Variants in MACROD2 observed in about 807,000 individuals in gnomAD.
MACROD2 encodes ADP-ribose glycohydrolase MACROD2.
Under a neutral mutation model 70.4 loss-of-function variants are expected in MACROD2, and 36 were observed. The ratio of observed to expected loss-of-function variants is 0.51; its 90% CI spans 0.39 to 0.68. The LOEUF (loss-of-function observed/expected upper bound fraction) is 0.68. Ranked by LOEUF, MACROD2 falls within the 30% of genes least tolerant of loss-of-function variation. The probability of loss-of-function intolerance (pLI) is 0.00; values close to 1 mark genes in which losing one functional copy is unlikely to be tolerated. For synonymous variants in MACROD2, 172 were observed against 178.8 expected (o/e 0.96, Z 0.30); for missense variants, 496 against 538.4 (o/e 0.92, Z 0.78).
chr20:15,617,943 C>A (rs1324576237), intron 8 of MACROD2, among the ~76,000 whole-genome samples: 12 of 152,132 alleles, frequency 7.9e-5, no homozygotes, highest in Non-Finnish European at 1.0e-4. Context: ...GGAAAACAAG[C>A]ATGGAACATA....
At chr20:14,975,970 G>C (rs2074735832) in intron 5 of MACROD2, among the ~76,000 whole-genome samples, 1 of 152,166 alleles carries the variant, frequency 6.6e-6, no homozygotes, top group Non-Finnish European at 1.5e-5. Flanking sequence ...ACAGGCTCAG[G>C]AAGGTAGGCG....
At position 14,861,532 on chromosome 20, in the gene MACROD2, A is replaced by G. The variant is rs192925126; in HGVS notation, c.418+176573A>G. Among the ~76,000 whole-genome samples, 215 of 152,140 alleles carry G rather than the reference A, an allele frequency of 1.4e-3. 2 individuals carry two copies. The highest frequency in any genetic ancestry group is 4.8e-3 in the African/African-American group (199 of 41,532). ...CTCTGATATCCTGCTGATGCCTCCA[A>G]TTAGAAGCCAGACTATGAGGGAGCT... On this transcript the variant is annotated intron_variant, in intron 5 of 17. Transcript: ENST00000684519.
intron 5 of MACROD2, among the ~76,000 whole-genome samples, chr20:14,853,497 A>G (rs1404952984): frequency 7.9e-6 from 1 of 127,298 alleles, no homozygotes; most frequent in Non-Finnish European, 1.8e-5. Flanking sequence ...AAAGCTGTAT[A>G]AAGTCAAAGT....
chr20:14,894,471 C>A (rs1299274436), intron 5 of MACROD2: 2 of 152,112 alleles, frequency 1.3e-5, no homozygotes, highest in African/African-American at 4.8e-5. Context: ...GATCCACCCG[C>A]CTCAGCCTCC....
At chr20:15,700,928 A>T (rs1239980672) in intron 8 of MACROD2, among the ~76,000 whole-genome samples, 1 of 152,198 alleles carries the variant, frequency 6.6e-6, no homozygotes, top group Admixed American at 6.5e-5. Context: ...GCCTACACAA[A>T]TGTTTCTCAA....
At chr20:15,570,891 A>G (rs2048368311) in intron 8 of MACROD2, among the ~76,000 whole-genome samples, 2 of 152,136 alleles carry the variant, frequency 1.3e-5, no homozygotes, top group South Asian at 4.1e-4. Context: ...CAAAAAAAAG[A>G]AAAGAAAAGG....
chr20:15,607,781 G>A (rs1364535112), intron 8 of MACROD2, among the ~76,000 whole-genome samples: 1 of 152,070 alleles, frequency 6.6e-6, no homozygotes, highest in African/African-American at 2.4e-5. Context: ...TGATCTACCC[G>A]CCTCGGCCTC....
At chr20:15,030,156 G>A (rs903374425) in intron 5 of MACROD2, among the ~76,000 whole-genome samples, 1 of 151,556 alleles carries the variant, frequency 6.6e-6, no homozygotes, top group Non-Finnish European at 1.5e-5. Context: ...ATTTCTGACT[G>A]ACCACATCTG....
intron 6 of MACROD2, among the ~76,000 whole-genome samples, chr20:15,370,154 G>C (rs1427485523): frequency 1.3e-5 from 2 of 152,008 alleles, no homozygotes; most frequent in African/African-American, 4.8e-5. Context: ...TGGAATACTT[G>C]GTATAAATTG....
At chr20:14,761,860 T>C (rs1173985801) in intron 5 of MACROD2, among the ~76,000 whole-genome samples, 1 of 152,170 alleles carries the variant, frequency 6.6e-6, no homozygotes, top group East Asian at 1.9e-4. Context: ...GCCTATTGCA[T>C]ATTGGAAAGA....
At chr20:15,388,723 G>T (rs538407381) in intron 6 of MACROD2, among the ~76,000 whole-genome samples, 18 of 152,260 alleles carry the variant, frequency 1.2e-4, no homozygotes, top group Middle Eastern at 6.8e-3. Context: ...AGGAGATTCA[G>T]GTAGACAGCT....
chr20:14,440,267 A>G (rs1410276214), intron 3 of MACROD2, among the ~76,000 whole-genome samples: 1 of 152,198 alleles, frequency 6.6e-6, no homozygotes, highest in African/African-American at 2.4e-5. Context: ...GTCTAACCCC[A>G]GCTGGTCACA....
chr20:16,021,664 G>T (rs1276772526), intron 15 of MACROD2, among the ~76,000 whole-genome samples: 1 of 152,124 alleles, frequency 6.6e-6, no homozygotes, highest in Non-Finnish European at 1.5e-5. Context: ...TTTATTAAAT[G>T]CATTACCTAT....
At chr20:14,565,359 A>AT (rs398121198) in intron 4 of MACROD2, among the ~76,000 whole-genome samples, 22 of 150,654 alleles carry the variant, frequency 1.5e-4, no homozygotes, top group Middle Eastern at 3.4e-3. Flanking sequence ...AAAAAAAAAA[A>AT]TTTTTTTTTA....
intron 3 of MACROD2, among the ~76,000 whole-genome samples, chr20:14,167,405 C>A (rs897395560): frequency 6.6e-6 from 1 of 151,170 alleles, no homozygotes; most frequent in African/African-American, 2.4e-5. Context: ...TTTTTTGAGA[C>A]GGAGTTTTGC....
chr20:15,732,494 A>G lies in MACROD2; in HGVS notation c.646-130251A>G, dbSNP rs529250478. 9.1e-4 allele frequency among the ~76,000 whole-genome samples: 139 copies of G among 152,358 alleles called. 2 individuals carry two copies. Among genetic ancestry groups the G allele is most frequent in the Non-Finnish European group, 1.1e-3 (74 of 68,034 alleles). ...CTAGTTTAATGAAGCCTTTTTAAAA[A>G]TATCATGAATGCCTGTTGAATTTTG... On this transcript the variant is annotated intron_variant, in intron 8 of 17. Coordinates refer to ENST00000684519, the MANE Select transcript of MACROD2 (RefSeq NM_001351661.2).
intron 15 of MACROD2, among the ~76,000 whole-genome samples, chr20:16,006,475 G>A (rs1316657854): frequency 6.6e-6 from 1 of 152,100 alleles, no homozygotes; most frequent in Non-Finnish European, 1.5e-5. Flanking sequence ...TTTGAGTGAT[G>A]GTGAACCCCC....
chr20:15,122,213 A>C (rs906190428), intron 5 of MACROD2, among the ~76,000 whole-genome samples: 2 of 152,156 alleles, frequency 1.3e-5, no homozygotes, highest in African/African-American at 4.8e-5. Flanking sequence ...AAATGTTTTG[A>C]AATGGTTATT....
chr20:14,553,585 A>G (rs576813279), intron 4 of MACROD2, among the ~76,000 whole-genome samples: 1 of 152,170 alleles, frequency 6.6e-6, no homozygotes, highest in African/African-American at 2.4e-5. Flanking sequence ...TGTTTACATC[A>G]GTATCATTCA....
Sources: allele counts gnomAD v4.1 joint callset (sites outside exome capture counted in the v4.1 genomes callset), GRCh38; gene constraint gnomAD v4.1.1; transcripts MANE v1.5; gene names NCBI Gene and HGNC (gene_info 2026-07-23, HGNC 2026-07-21).